Variants in NAPEPLD observed in about 807,000 individuals in gnomAD.
The protein encoded by NAPEPLD is N-acyl-phosphatidylethanolamine-hydrolyzing phospholipase D.
Under a neutral mutation model 38.1 loss-of-function variants are expected in NAPEPLD, and 23 were observed. The observed-to-expected ratio is 0.60, with a 90% CI of 0.43 to 0.86. NAPEPLD has a LOEUF of 0.86. Among genes scored for constraint, NAPEPLD ranks in the 40% least tolerant of loss-of-function variants. The probability of loss-of-function intolerance (pLI) is 0.00; values close to 1 mark genes in which losing one functional copy is unlikely to be tolerated. For synonymous variants in NAPEPLD, 147 were observed against 162.0 expected (o/e 0.91, Z 0.71); for missense variants, 411 against 476.8 (o/e 0.86, Z 1.28).
In NAPEPLD at chr7:103,149,063, G is replaced by A. The variant is rs2129538403; in HGVS notation, c.-269C>T. The A allele has an allele frequency of 2.0e-6, 2 of 985,454 alleles. No homozygotes were observed. Among genetic ancestry groups the A allele is most frequent in the African/African-American group, 3.5e-5 (2 of 57,352 alleles). The allele number at this position is 985,454 out of a possible 1,614,324, so 61.0% of individuals were successfully genotyped here. A position where few individuals can be genotyped will look rare whatever the true frequency, so the allele number is the denominator to read the frequency against. ...ACCCACTCTCAGCCCGCTCCACTTC[G>A]CCGAAGAATTCCAAACCACCCCAGG... On this transcript the variant is annotated 5_prime_UTR_variant, in exon 1 of 5. Coordinates refer to ENST00000465647, the MANE Select transcript of NAPEPLD (RefSeq NM_001122838.3).
At chr7:103,143,210 G>A (rs1310185033) in intron 1 of NAPEPLD, among the ~76,000 whole-genome samples, 1 of 152,152 alleles carries the variant, frequency 6.6e-6, no homozygotes, top group African/African-American at 2.4e-5. Context: ...CTGGGTGACA[G>A]AGCAAGAGCT....
chr7:103,119,052 A>G (rs1806096089), intron 3 of NAPEPLD, among the ~76,000 whole-genome samples: 1 of 152,240 alleles, frequency 6.6e-6, no homozygotes, highest in Non-Finnish European at 1.5e-5. Flanking sequence ...TTATGGAGCA[A>G]AAGGTGGTTA....
At chr7:103,141,726 TC>T in intron 1 of NAPEPLD, 1 of 858,382 alleles carries the variant, frequency 1.2e-6, no homozygotes, top group Middle Eastern at 2.2e-4. Context: ...TGCCTGCCCT[TC>T]CGGCAGGCCA....
At chr7:103,145,784 T>C (rs1563376183) in intron 1 of NAPEPLD, among the ~76,000 whole-genome samples, 1 of 152,046 alleles carries the variant, frequency 6.6e-6, no homozygotes, top group Non-Finnish European at 1.5e-5. Flanking sequence ...ACCCTAATTA[T>C]GCTTAAAAAC....
intron 2 of NAPEPLD, among the ~76,000 whole-genome samples, chr7:103,121,494 G>A (rs1349388470): frequency 6.6e-6 from 1 of 152,074 alleles, no homozygotes; most frequent in Non-Finnish European, 1.5e-5. Flanking sequence ...CTCGTTTCAG[G>A]AAAAATTCTT....
intron 1 of NAPEPLD, chr7:103,129,390 T>C (rs6964717): frequency 0.94 from 817,694 of 868,416 alleles, 388,108 homozygotes; most frequent in East Asian, 1. Flanking sequence ...TCCATTTCAA[T>C]GACATTCTGT....
At chr7:103,115,481 A>T (rs999611186) in intron 3 of NAPEPLD, 2 of 227,866 alleles carry the variant, frequency 8.8e-6, no homozygotes, top group African/African-American at 4.6e-5. Flanking sequence ...TTCTTGTACA[A>T]ATTGCTATAA....
intron 4 of NAPEPLD, among the ~76,000 whole-genome samples, chr7:103,107,452 C>T (rs1467461158): frequency 1.3e-5 from 2 of 151,942 alleles, no homozygotes; most frequent in African/African-American, 2.4e-5. Flanking sequence ...ACAAACCCCT[C>T]CGAGCTAAAG....
intron 1 of NAPEPLD, among the ~76,000 whole-genome samples, chr7:103,130,685 C>G (rs1252688982): frequency 6.6e-6 from 1 of 152,140 alleles, no homozygotes. Flanking sequence ...GCCTCAACCT[C>G]CCGGGGCTCA....
At chr7:103,123,684 C>T (rs539607865) in intron 2 of NAPEPLD, among the ~76,000 whole-genome samples, 1 of 152,354 alleles carries the variant, frequency 6.6e-6, no homozygotes, top group East Asian at 1.9e-4. Flanking sequence ...AAACCAGCTC[C>T]ATTCTACAGC....
At chr7:103,106,665 C>T (rs967073023) in intron 4 of NAPEPLD, among the ~76,000 whole-genome samples, 5 of 151,998 alleles carry the variant, frequency 3.3e-5, no homozygotes, top group African/African-American at 1.2e-4. Context: ...CCCACTGCAG[C>T]TCAGCAAGGC....
chr7:103,135,760 T>G (rs1809911051), intron 1 of NAPEPLD, among the ~76,000 whole-genome samples: 1 of 138,118 alleles, frequency 7.2e-6, no homozygotes, highest in African/African-American at 2.6e-5. Context: ...TATATATATA[T>G]CACCAAACAA....
At chr7:103,145,896 A>C (rs1812450258) in intron 1 of NAPEPLD, among the ~76,000 whole-genome samples, 1 of 152,184 alleles carries the variant, frequency 6.6e-6, no homozygotes, top group Non-Finnish European at 1.5e-5. Flanking sequence ...TTAAAAAAAA[A>C]AAAAGAATTT....
chr7:103,107,841 G>C lies in NAPEPLD; in HGVS notation c.1057-4287C>G, dbSNP rs542678801. ...AAACACTCTTCAGAATATTATCCAGGAGAACTTCCCCAACCTAGCAAGACA... is the reference window on the plus strand; with the variant it reads ...AAACACTCTTCAGAATATTATCCAGCAGAACTTCCCCAACCTAGCAAGACA... On this transcript the variant is annotated intron_variant, in intron 4 of 4. Coordinates refer to ENST00000465647, the MANE Select transcript of NAPEPLD (RefSeq NM_001122838.3). Among the ~76,000 whole-genome samples the C allele has an allele frequency of 6.1e-3, 936 of 152,208 alleles. 6 individuals carry two copies. Among genetic ancestry groups the C allele is most frequent in the Non-Finnish European group, 0.011 (737 of 68,012 alleles).
At chr7:103,105,521 CTAGA>C (rs1803134883) in intron 4 of NAPEPLD, among the ~76,000 whole-genome samples, 1 of 152,164 alleles carries the variant, frequency 6.6e-6, no homozygotes, top group Admixed American at 6.5e-5. Context: ...TCATCATTCC[CTAGA>C]TAAATTAGAT....
chr7:103,113,409 A>G (rs1968198), intron 4 of NAPEPLD, among the ~76,000 whole-genome samples: 133,114 of 152,022 alleles, frequency 0.88, 61,005 homozygotes, highest in East Asian at 1. Context: ...ATGGGCAGGC[A>G]GTGTATTAGG....
chr7:103,101,999 T>TCCCCCCCCCCCCCCCCCCCCCCCCCCCC lies in NAPEPLD; in HGVS notation c.*1429_*1430insGGGGGGGGGGGGGGGGGGGGGGGGGGGG, dbSNP rs76739012. ...AGGACTAAATCTTATGTCAACTGACTCCCCCCCCGCCCCCCAACCACTGGC... is the reference window on the plus strand; with the variant it reads ...AGGACTAAATCTTATGTCAACTGACTCCCCCCCCCCCCCCCCCCCCCCCCCCCCCCCCCCCCGCCCCCCAACCACTGGC... On this transcript the variant is annotated 3_prime_UTR_variant, in exon 5 of 5. Transcript: ENST00000465647. The TCCCCCCCCCCCCCCCCCCCCCCCCCCCC allele has an allele frequency of 8.0e-6, 1 of 124,676 alleles. No homozygotes were observed. The highest frequency in any genetic ancestry group is 3.0e-5 in the African/African-American group (1 of 33,460). 7.7% of individuals were successfully genotyped at this position (124,676 alleles called of 1,614,324 possible).
At chr7:103,141,310 A>G (rs1811301962) in intron 1 of NAPEPLD, 2 of 615,558 alleles carry the variant, frequency 3.2e-6, no homozygotes, top group East Asian at 5.7e-5. Context: ...TGATCTATGT[A>G]ATCACGGAGG....
chr7:103,149,110 G>A (rs1813215344), upstream of NAPEPLD: 2 of 986,398 alleles, frequency 2.0e-6, 1 homozygote. Flanking sequence ...GGATTGCTCC[G>A]CCCAGAGACC....
Sources: allele counts gnomAD v4.1 joint callset (sites outside exome capture counted in the v4.1 genomes callset), GRCh38; gene constraint gnomAD v4.1.1; transcripts MANE v1.5; gene names NCBI Gene and HGNC (gene_info 2026-07-23, HGNC 2026-07-21).